Variants in PREX2 observed in about 807,000 individuals in gnomAD.
PREX2 encodes the protein phosphatidylinositol-3,4,5-trisphosphate dependent Rac exchange factor 2.
In PREX2, 107 loss-of-function variants were observed where a neutral mutation model predicts 203.2. The observed-to-expected ratio is 0.53, with a 90% CI of 0.45 to 0.62. PREX2 has a LOEUF of 0.62. PREX2 is among the 20% of genes least tolerant of loss of function. The pLI is 0.00. For synonymous variants in PREX2, 672 were observed against 663.6 expected (o/e 1.01, Z -0.19); for missense variants, 1,777 against 1,955.9 (o/e 0.91, Z 1.72).
intron 35 of PREX2, 35 bp downstream of exon 35, chr8:68,157,471 C>G (rs772326175): frequency 2.7e-6 from 3 of 1,120,140 alleles, no homozygotes; most frequent in Non-Finnish European, 4.0e-6. Context: ...TAATGAGTGT[C>G]TATATTTTGA....
intron 7 of PREX2, among the ~76,000 whole-genome samples, chr8:68,042,846 C>A (rs1808238281): frequency 6.6e-6 from 1 of 151,676 alleles, no homozygotes; most frequent in Non-Finnish European, 1.5e-5. Flanking sequence ...ATATCTGCAG[C>A]CTAAGAGAAA....
At chr8:68,209,885 A>G (rs949197061) in intron 37 of PREX2, among the ~76,000 whole-genome samples, 11 of 152,166 alleles carry the variant, frequency 7.2e-5, no homozygotes, top group Non-Finnish European at 4.4e-5. Flanking sequence ...AAACCCTGAC[A>G]TATGCCTGTA....
chr8:68,219,406 A>G (rs1344116164), intron 38 of PREX2, among the ~76,000 whole-genome samples: 2 of 152,146 alleles, frequency 1.3e-5, no homozygotes, highest in African/African-American at 4.8e-5. Flanking sequence ...TAGTATTACT[A>G]TATTGATGTG....
chr8:68,121,104 C>T, intron 30 of PREX2, 55 bp downstream of exon 30: 1 of 1,572,564 alleles, frequency 6.4e-7, no homozygotes, highest in Non-Finnish European at 8.6e-7. Context: ...CAATTTAAAA[C>T]CCACTAAAAC....
At chr8:68,185,620 G>T (rs1007368363) in intron 35 of PREX2, among the ~76,000 whole-genome samples, 2 of 152,086 alleles carry the variant, frequency 1.3e-5, no homozygotes, top group Non-Finnish European at 2.9e-5. Flanking sequence ...TAAATGCCAA[G>T]ATTTCTTTCA....
chr8:67,980,130 C>G lies in PREX2; in HGVS notation c.141+27595C>G, dbSNP rs78972425. Among the ~76,000 whole-genome samples, 1,018 of 152,256 alleles carry G rather than the reference C, an allele frequency of 6.7e-3. 8 individuals carry two copies. Among genetic ancestry groups the G allele is most frequent in the Middle Eastern group, 0.017 (5 of 294 alleles). On this transcript the variant is annotated intron_variant, in intron 1 of 39. Coordinates refer to ENST00000288368, the MANE Select transcript of PREX2 (RefSeq NM_024870.4). ...TTCTATGCAAAAGAGTAGCGTGATA[C>G]AAAGGCACAGAGCTGAGAAAGGTTT... is the stretch of plus-strand genomic sequence containing the variant.
In PREX2 at chr8:68,212,852, A is replaced by G. The variant is rs185979719; in HGVS notation, c.4605-4764A>G. The stretch of plus-strand genomic sequence containing the variant: ...CATTTTTAAATTGCTGTCAAATGCA[A>G]AAAAAGAAAAAACTTCTCTAAGTTT... On this transcript the variant is annotated intron_variant, in intron 37 of 39. Coordinates refer to ENST00000288368, the MANE Select transcript of PREX2 (RefSeq NM_024870.4). 3.2e-4 allele frequency among the ~76,000 whole-genome samples: 48 copies of G among 152,308 alleles called. 1 individual carries two copies. The highest frequency in any genetic ancestry group is 1.1e-3 in the African/African-American group (46 of 41,538).
chr8:68,118,984 T>C (rs1810713830), intron 27 of PREX2: 2 of 456,194 alleles, frequency 4.4e-6, no homozygotes, highest in African/African-American at 3.9e-5. Context: ...GGTGTGGAGT[T>C]TGAAGCATTT....
intron 23 of PREX2, chr8:68,105,062 A>G (rs1810367203): frequency 8.8e-7 from 1 of 1,134,028 alleles, no homozygotes; most frequent in African/African-American, 1.6e-5. Context: ...TGATGTTTAC[A>G]GGGCCATTTG....
chr8:67,967,302 C>G (rs1585660899), intron 1 of PREX2, among the ~76,000 whole-genome samples: 2 of 152,134 alleles, frequency 1.3e-5, no homozygotes, highest in African/African-American at 4.8e-5. Flanking sequence ...AGACTTAAGG[C>G]TTTAACTAGT....
At chr8:68,071,846 T>G (rs1251253303) in intron 13 of PREX2, among the ~76,000 whole-genome samples, 1 of 152,158 alleles carries the variant, frequency 6.6e-6, no homozygotes, top group African/African-American at 2.4e-5. Flanking sequence ...GTGAGAATAA[T>G]ACTGTAGTGC....
intron 22 of PREX2, among the ~76,000 whole-genome samples, chr8:68,098,459 C>T (rs2129612499): frequency 6.6e-6 from 1 of 151,982 alleles, no homozygotes; most frequent in South Asian, 2.1e-4. Context: ...TGATGTTGTA[C>T]CTCTCTATAT....
intron 1 of PREX2, among the ~76,000 whole-genome samples, chr8:67,961,906 C>G (rs903402151): frequency 1.3e-5 from 2 of 152,050 alleles, no homozygotes; most frequent in African/African-American, 4.8e-5. Context: ...TGCATATTTT[C>G]CATTAAAAGG....
At chr8:68,063,145 A>G (rs1808907482) in intron 11 of PREX2, among the ~76,000 whole-genome samples, 1 of 152,212 alleles carries the variant, frequency 6.6e-6, no homozygotes, top group Admixed American at 6.5e-5. Context: ...ACTATTATAT[A>G]CTAACATCAT....
At chr8:68,050,288 G>A (rs1051485653) in intron 8 of PREX2, among the ~76,000 whole-genome samples, 1 of 152,076 alleles carries the variant, frequency 6.6e-6, no homozygotes, top group Admixed American at 6.6e-5. Context: ...AATTTATAAA[G>A]AAAAGAGGTT....
intron 35 of PREX2, among the ~76,000 whole-genome samples, chr8:68,170,932 A>G (rs748441549): frequency 2.0e-5 from 3 of 152,204 alleles, no homozygotes; most frequent in Non-Finnish European, 2.9e-5. Context: ...AACTGCATTT[A>G]CATTTACAGA....
Position 68,087,822 on chromosome 8 carries a change from T to C in PREX2, c.2113+13T>C. ...GCTGTAGGAAGAGGTAGGAAATTCG[T>C]CTTGCAGGGAAACAGCTTTCCAGCA... is the stretch of plus-strand genomic sequence containing the variant. On this transcript the variant is annotated intron_variant, in intron 19 of 39. Coordinates refer to ENST00000288368, the MANE Select transcript of PREX2 (RefSeq NM_024870.4). 2 of 1,589,964 alleles carry C rather than the reference T, an allele frequency of 1.3e-6. No homozygotes were observed. The highest frequency in any genetic ancestry group is 1.3e-5 in the African/African-American group (1 of 74,592).
At chr8:68,222,806 A>G (rs747405095) in intron 38 of PREX2, among the ~76,000 whole-genome samples, 4 of 152,236 alleles carry the variant, frequency 2.6e-5, no homozygotes, top group Admixed American at 6.5e-5. Flanking sequence ...AGATATGCCA[A>G]TATCCTGTAT....
chr8:68,104,890 C>T (rs1810362848), intron 23 of PREX2, among the ~76,000 whole-genome samples: 1 of 152,150 alleles, frequency 6.6e-6, no homozygotes, highest in Admixed American at 6.5e-5. Context: ...CCTCCCAATA[C>T]ACCTCTCTCC....
Sources: gnomAD v4.1 joint callset for allele counts (sites outside exome capture counted in the v4.1 genomes callset) on GRCh38, gnomAD v4.1.1 for gene constraint, MANE v1.5 for transcripts, NCBI Gene and HGNC (gene_info 2026-07-23, HGNC 2026-07-21) for gene names.